Variants in VPS35L observed in about 807,000 individuals in gnomAD.
VPS35L encodes the protein VPS35 endosomal protein-sorting factor-like.
Under a neutral mutation model 133.0 loss-of-function variants are expected in VPS35L, and 83 were observed. That is an observed-to-expected ratio of 0.62 (90% CI 0.52 to 0.75). The LOEUF is 0.75. VPS35L is among the 30% of genes least tolerant of loss of function. VPS35L has a pLI of 0.00. For missense variants in VPS35L, 1,083 were observed against 1,206.8 expected (o/e 0.90, Z 1.52); for synonymous variants, 423 against 449.9 (o/e 0.94, Z 0.76).
At position 19,623,266 on chromosome 16, in the gene VPS35L, G is replaced by A. The variant is rs992155072; in HGVS notation, c.1225-2911G>A. Among the ~76,000 whole-genome samples, 11 of 152,242 alleles carry A rather than the reference G, an allele frequency of 7.2e-5. No homozygotes were observed. In the East Asian group the frequency reaches 1.4e-3, roughly 19 times the overall value. ...TATTTTCTCATAGTTCTGAAGGCTA[G>A]GAGACCAAGATCAAGGGGCCAGCAA... On this transcript the variant is annotated intron_variant, in intron 14 of 30. Coordinates refer to ENST00000417362, the MANE Select transcript of VPS35L (RefSeq NM_020314.7).
At chr16:19,659,711 A>G (rs1441967482) in intron 26 of VPS35L, among the ~76,000 whole-genome samples, 2 of 152,188 alleles carry the variant, frequency 1.3e-5, no homozygotes, top group African/African-American at 2.4e-5. Flanking sequence ...CCTGTGGATA[A>G]CTTGGCCACT....
At chr16:19,616,846 T>G in intron 14 of VPS35L, 38 bp downstream of exon 14, 1 of 1,613,878 alleles carries the variant, frequency 6.2e-7, no homozygotes, top group African/African-American at 1.3e-5. Context: ...GCTCACCTCC[T>G]GTATGGTGAC....
At chr16:19,585,888 TGA>T (rs547864564) in intron 7 of VPS35L, among the ~76,000 whole-genome samples, 108 of 152,268 alleles carry the variant, frequency 7.1e-4, no homozygotes, top group African/African-American at 2.3e-3. Context: ...GTTATTTGGT[TGA>T]GTTGTAACAA....
chr16:19,607,237 G>C (rs1353683401), intron 9 of VPS35L, among the ~76,000 whole-genome samples: 1 of 152,184 alleles, frequency 6.6e-6, no homozygotes, highest in African/African-American at 2.4e-5. Context: ...ATGAAGGTCA[G>C]GGCCGATGGG....
chr16:19,700,157 T>C (rs1976069227), intron 30 of VPS35L, among the ~76,000 whole-genome samples: 1 of 152,150 alleles, frequency 6.6e-6, no homozygotes, highest in Non-Finnish European at 1.5e-5. Flanking sequence ...GAACCATACA[T>C]ACAAAACATC....
chr16:19,700,196 T>A (rs1976071237), intron 30 of VPS35L, among the ~76,000 whole-genome samples, 182 bp from the exon 31 acceptor site: 1 of 152,206 alleles, frequency 6.6e-6, no homozygotes, highest in South Asian at 2.1e-4. Flanking sequence ...CCAAATCTGA[T>A]TTTTAGGGCA....
intron 14 of VPS35L, among the ~76,000 whole-genome samples, chr16:19,623,977 A>C (rs1404956395): frequency 6.7e-6 from 1 of 149,784 alleles, no homozygotes; most frequent in Non-Finnish European, 1.5e-5. Flanking sequence ...CTAATTTTTA[A>C]ATTTCTTTTA....
At chr16:19,683,542 C>T (rs1975359640) in intron 28 of VPS35L, among the ~76,000 whole-genome samples, 1 of 152,200 alleles carries the variant, frequency 6.6e-6, no homozygotes, top group Admixed American at 6.5e-5. Context: ...CAAGTGAGAA[C>T]ATGGCGGTAG....
intron 22 of VPS35L, 67 bp downstream of exon 22, chr16:19,642,543 G>A: frequency 7.5e-7 from 1 of 1,326,610 alleles, no homozygotes; most frequent in Non-Finnish European, 1.1e-6. Flanking sequence ...AGGACATTAG[G>A]GAATGACTGC....
chr16:19,643,484 T>C (rs1973847568), intron 22 of VPS35L, among the ~76,000 whole-genome samples: 1 of 152,220 alleles, frequency 6.6e-6, no homozygotes, highest in Non-Finnish European at 1.5e-5. Context: ...ATCTTCTTCC[T>C]GGAAGCTGAT....
intron 8 of VPS35L, among the ~76,000 whole-genome samples, chr16:19,596,473 C>G (rs1972219919): frequency 1.3e-5 from 2 of 150,886 alleles, no homozygotes; most frequent in Admixed American, 6.6e-5. Context: ...TGGGATCTCA[C>G]TGTGTGGCCC....
intron 26 of VPS35L, among the ~76,000 whole-genome samples, chr16:19,656,178 C>T (rs575345461): frequency 6.0e-5 from 9 of 150,032 alleles, no homozygotes; most frequent in South Asian, 2.1e-4. Flanking sequence ...GCACGAGAAT[C>T]GCTTGAACCC....
At chr16:19,680,937 T>C (rs917495501) in intron 27 of VPS35L, among the ~76,000 whole-genome samples, 1 of 123,596 alleles carries the variant, frequency 8.1e-6, no homozygotes, top group Admixed American at 9.3e-5. Flanking sequence ...AAAAACAGGA[T>C]GATTTGTGAT....
At position 19,631,260 on chromosome 16, in the gene VPS35L, G is replaced by A. The variant is rs560236115; in HGVS notation, c.1554+1440G>A. On this transcript the variant is annotated intron_variant, in intron 18 of 30. Coordinates refer to ENST00000417362, the MANE Select transcript of VPS35L (RefSeq NM_020314.7). The stretch of plus-strand genomic sequence containing the variant: ...CAAGCACACATGCAAAAAAGTGCAC[G>A]TATCATAAGTTTGCTGCTCAATGAA... Among the ~76,000 whole-genome samples the A allele has an allele frequency of 4.6e-5, 7 of 152,240 alleles. 1 individual carries two copies. The East Asian group carries it at 9.7e-4, about 21-fold the overall frequency.
chr16:19,687,418 C>G (rs1022354531), intron 28 of VPS35L, among the ~76,000 whole-genome samples: 3 of 152,184 alleles, frequency 2.0e-5, no homozygotes, highest in Non-Finnish European at 2.9e-5. Flanking sequence ...TCGCTTCTTA[C>G]AAGAGTAACT....
intron 5 of VPS35L, chr16:19,578,772 A>G (rs762145727): frequency 1.6e-5 from 7 of 448,192 alleles, no homozygotes; most frequent in Non-Finnish European, 2.9e-5. Flanking sequence ...TTTAGGAATA[A>G]ACAGATGATA....
At chr16:19,681,740 CAA>C (rs751725514) in intron 27 of VPS35L, among the ~76,000 whole-genome samples, 61 of 152,158 alleles carry the variant, frequency 4.0e-4, no homozygotes, top group Admixed American at 9.8e-4. Context: ...TTGAGCATCC[CAA>C]AGAGTGAGGC....
At chr16:19,555,841 G>A in intron 1 of VPS35L, 95 bp downstream of exon 1, 1 of 1,480,612 alleles carries the variant, frequency 6.8e-7, no homozygotes, top group Admixed American at 2.3e-5. Flanking sequence ...CTCTCTGTCG[G>A]GTTCTGGTGG....
chr16:19,650,878 CTTTG>C (rs1327429760), intron 25 of VPS35L, among the ~76,000 whole-genome samples: 1 of 151,760 alleles, frequency 6.6e-6, no homozygotes, highest in African/African-American at 2.4e-5. Context: ...TGATGCCCAA[CTTTG>C]TTTTTGTTTT....
Sources: allele counts gnomAD v4.1 joint callset (sites outside exome capture counted in the v4.1 genomes callset), GRCh38; gene constraint gnomAD v4.1.1; transcripts MANE v1.5; gene names NCBI Gene and HGNC (gene_info 2026-07-23, HGNC 2026-07-21).